PPFIA2: variants seen among roughly 807,000 people sequenced by gnomAD.
PPFIA2 encodes the protein liprin-alpha-2.
A neutral mutation model predicts 175.5 loss-of-function variants in PPFIA2; 46 were observed. The observed-to-expected ratio is 0.26, with a 90% CI of 0.21 to 0.34. The LOEUF (loss-of-function observed/expected upper bound fraction) is 0.34. PPFIA2 is among the 10% of genes least tolerant of loss of function. The pLI, the probability that PPFIA2 is intolerant of heterozygous loss-of-function variation, is 1.00. For missense variants in PPFIA2, 1,179 were observed against 1,506.1 expected, an observed-to-expected ratio of 0.78 and a Z score of 3.60; for synonymous variants, 568 against 511.4, an observed-to-expected ratio of 1.11 and a Z score of -1.49.
At position 81,673,346 on chromosome 12, in the gene PPFIA2, T is replaced by C. The variant is rs189229153; in HGVS notation, c.303+3445A>G. ...CTTGGCCATAGGTACCAGACATGGA[T>C]ATACTTTACCCTGGCCTTGCCAGGG... On this transcript the variant is annotated intron_variant, in intron 4 of 32. Transcript: ENST00000549396. Among the ~76,000 whole-genome samples the C allele has an allele frequency of 5.6e-3, 852 of 152,244 alleles. 4 individuals carry two copies. Among genetic ancestry groups the C allele is most frequent in the Non-Finnish European group, 9.6e-3 (654 of 67,992 alleles).
chr12:81,582,481 G>A (rs1425155256), intron 4 of PPFIA2, among the ~76,000 whole-genome samples: 2 of 151,538 alleles, frequency 1.3e-5, no homozygotes, highest in Non-Finnish European at 2.9e-5. Flanking sequence ...TAATTTTCTA[G>A]GCCTGTGAGT....
rs1461661449 is a variant in PPFIA2, at chr12:81,491,562, G to A, written c.304-33696C>T. 4.6e-5 allele frequency among the ~76,000 whole-genome samples: 7 copies of A among 151,840 alleles called. No homozygotes were observed. The East Asian group carries it at 1.4e-3, about 29-fold the overall frequency. On this transcript the variant is annotated intron_variant, in intron 4 of 32. Transcript: ENST00000549396. ...ATTACTGTTAGATAAATCCATGAGG[G>A]TGGAGCCCTCATGATGAAAAGAGGA...
intron 24 of PPFIA2, 170 bp from the exon 25 acceptor site, chr12:81,284,473 T>C (rs1401853546): frequency 3.7e-6 from 2 of 538,628 alleles, no homozygotes; most frequent in African/African-American, 3.8e-5. Flanking sequence ...GAGCTCCCTG[T>C]TTCTTCTACT....
chr12:81,392,377 G>A (rs973807506), intron 8 of PPFIA2, among the ~76,000 whole-genome samples: 1 of 151,830 alleles, frequency 6.6e-6, no homozygotes, highest in Non-Finnish European at 1.5e-5. Context: ...CTAATTAGAT[G>A]TCAAAATAAA....
chr12:81,529,510 G>A (rs1481934756), intron 4 of PPFIA2, among the ~76,000 whole-genome samples: 1 of 151,152 alleles, frequency 6.6e-6, no homozygotes, highest in African/African-American at 2.4e-5. Flanking sequence ...AGTAAATAGA[G>A]AGAGAGAGAC....
chr12:81,470,812 T>A lies in PPFIA2; in HGVS notation c.304-12946A>T, dbSNP rs1416967692. Among the ~76,000 whole-genome samples, 3 of 152,190 alleles carry A rather than the reference T, an allele frequency of 2.0e-5. No homozygotes were observed. In the East Asian group the frequency reaches 5.8e-4, roughly 29 times the overall value. Reference sequence around the variant, plus strand: ...ATTTCTAAGTACACAATACCTAAATTGTAAACCAAAGGCACTATGTTGATC... The same window carrying A: ...ATTTCTAAGTACACAATACCTAAATAGTAAACCAAAGGCACTATGTTGATC... On this transcript the variant is annotated intron_variant, in intron 4 of 32. Transcript: ENST00000549396.
At chr12:81,470,958 T>G (rs992955205) in intron 4 of PPFIA2, among the ~76,000 whole-genome samples, 4 of 152,106 alleles carry the variant, frequency 2.6e-5, no homozygotes, top group African/African-American at 9.7e-5. Context: ...CTACTTCTAT[T>G]TCTGTAACTA....
At chr12:81,495,345 TA>T (rs1032256884) in intron 4 of PPFIA2, among the ~76,000 whole-genome samples, 6 of 151,992 alleles carry the variant, frequency 3.9e-5, no homozygotes, top group South Asian at 2.1e-4. Flanking sequence ...TTTACATGAA[TA>T]AAAAAAACAT....
At chr12:81,679,797 C>T (rs952208662) in intron 3 of PPFIA2, among the ~76,000 whole-genome samples, 2 of 151,842 alleles carry the variant, frequency 1.3e-5, no homozygotes, top group African/African-American at 2.4e-5. Flanking sequence ...AAGTTAAACA[C>T]GGCTTATCAG....
At chr12:81,530,652 A>C (rs1429198497) in intron 4 of PPFIA2, among the ~76,000 whole-genome samples, 3 of 151,876 alleles carry the variant, frequency 2.0e-5, no homozygotes, top group Non-Finnish European at 2.9e-5. Flanking sequence ...TCTAGTTGAA[A>C]AGTCAGCACA....
intron 5 of PPFIA2, among the ~76,000 whole-genome samples, chr12:81,451,719 A>G (rs533883408): frequency 3.9e-5 from 6 of 152,346 alleles, no homozygotes; most frequent in African/African-American, 9.6e-5. Flanking sequence ...AATATTCTAC[A>G]TAATAAGTAC....
chr12:81,488,987 A>T (rs1251811390), intron 4 of PPFIA2, among the ~76,000 whole-genome samples: 1 of 151,886 alleles, frequency 6.6e-6, no homozygotes, highest in Non-Finnish European at 1.5e-5. Flanking sequence ...CACATAAACA[A>T]GTATCTGTCC....
In PPFIA2 at chr12:81,511,933, GA is replaced by G. The variant is rs1050125635; in HGVS notation, c.304-54068del. On this transcript the variant is annotated intron_variant, in intron 4 of 32. Transcript: ENST00000549396. ...GTAGAATGTTTCTGTTTGTTAATTT[GA>G]AAAAAAAAAAGATAATAGTCTAACA... 1.6e-3 allele frequency among the ~76,000 whole-genome samples: 227 copies of G among 142,102 alleles called. 2 individuals are homozygous for G. The highest frequency in any genetic ancestry group is 4.2e-3 in the African/African-American group (165 of 38,902). 93.2% of individuals were successfully genotyped at this position (142,102 alleles called of 152,430 possible).
intron 3 of PPFIA2, among the ~76,000 whole-genome samples, chr12:81,718,416 G>A (rs897256093): frequency 6.6e-6 from 1 of 151,582 alleles, no homozygotes; most frequent in Non-Finnish European, 1.5e-5. Flanking sequence ...TGTTAAGGAT[G>A]AGTGGAGAGG....
At chr12:81,427,940 T>C (rs557486070) in intron 7 of PPFIA2, among the ~76,000 whole-genome samples, 10 of 152,126 alleles carry the variant, frequency 6.6e-5, no homozygotes, top group African/African-American at 2.2e-4. Context: ...AAATGATAGC[T>C]CTATAATTCA....
At chr12:81,417,995 T>C (rs1442227692) in intron 7 of PPFIA2, among the ~76,000 whole-genome samples, 12 of 151,806 alleles carry the variant, frequency 7.9e-5, no homozygotes, top group Admixed American at 5.9e-4. Context: ...ATAAGCATAA[T>C]ATTTACTGAA....
chr12:81,451,250 T>A (rs2052516966), intron 5 of PPFIA2, among the ~76,000 whole-genome samples: 1 of 152,124 alleles, frequency 6.6e-6, no homozygotes, highest in Non-Finnish European at 1.5e-5. Flanking sequence ...CCATTAATTA[T>A]CCCCATTTTC....
intron 3 of PPFIA2, among the ~76,000 whole-genome samples, chr12:81,727,735 C>A (rs2080277072): frequency 6.6e-6 from 1 of 151,338 alleles, no homozygotes; most frequent in Admixed American, 6.6e-5. Flanking sequence ...CAGCCAGGAT[C>A]ATTTTTTCTT....
intron 4 of PPFIA2, among the ~76,000 whole-genome samples, chr12:81,504,733 T>C (rs141779958): frequency 6.6e-6 from 1 of 152,304 alleles, no homozygotes; most frequent in East Asian, 1.9e-4. Context: ...AGCAAAGAAT[T>C]GGAACCAACC....
Sources: gnomAD v4.1 joint callset for allele counts (sites outside exome capture counted in the v4.1 genomes callset) on GRCh38, gnomAD v4.1.1 for gene constraint, MANE v1.5 for transcripts, NCBI Gene and HGNC (gene_info 2026-07-23, HGNC 2026-07-21) for gene names.